The following KCNJ3 variants were observed in gnomAD, a reference collection of about 807,000 sequenced individuals.
The protein encoded by KCNJ3 is G protein-activated inward rectifier potassium channel 1.
A neutral mutation model predicts 39.2 loss-of-function variants in KCNJ3; 4 were observed. The observed-to-expected ratio is 0.10, with a 90% CI of 0.05 to 0.23. The LOEUF (loss-of-function observed/expected upper bound fraction) is 0.23, where lower values mean the gene tolerates loss of function less well. KCNJ3 is among the 10% of genes least tolerant of loss of function. The pLI, the probability that KCNJ3 is intolerant of heterozygous loss-of-function variation, is 1.00. For synonymous variants in KCNJ3, 230 were observed against 237.4 expected (o/e 0.97, Z 0.29); for missense variants, 276 against 634.9 (o/e 0.43, Z 6.08).
chr2:154,791,115 C>T lies in KCNJ3; in HGVS notation c.920-63612C>T, dbSNP rs546882308. The stretch of plus-strand genomic sequence containing the variant: ...ACAGAAGCCTCACCCCACTGTTGGC[C>T]GGTGAGATTTGCTGGTCTTTCCTGA... On this transcript the variant is annotated intron_variant, in intron 2 of 2. Transcript: ENST00000295101. 1.1e-4 allele frequency among the ~76,000 whole-genome samples: 16 copies of T among 151,950 alleles called. No homozygotes were observed. The South Asian group carries it at 2.3e-3, about 22-fold the overall frequency.
At chr2:154,738,075 C>T (rs892383282) in intron 2 of KCNJ3, among the ~76,000 whole-genome samples, 2 of 152,084 alleles carry the variant, frequency 1.3e-5, no homozygotes, top group South Asian at 4.1e-4. Flanking sequence ...AAATCTTAGC[C>T]ATTATAAACA....
chr2:154,821,190 G>A (rs945889731), intron 2 of KCNJ3, among the ~76,000 whole-genome samples: 1 of 152,078 alleles, frequency 6.6e-6, no homozygotes, highest in Non-Finnish European at 1.5e-5. Context: ...AGCACAAGTT[G>A]TCAGTCTCAT....
chr2:154,838,981 T>C (rs1394139731), intron 2 of KCNJ3, among the ~76,000 whole-genome samples: 1 of 152,204 alleles, frequency 6.6e-6, no homozygotes, highest in Admixed American at 6.5e-5. Flanking sequence ...AGTTCTAGAG[T>C]ACATGTGCAC....
intron 2 of KCNJ3, among the ~76,000 whole-genome samples, chr2:154,758,123 C>G (rs1472720739): frequency 6.6e-6 from 1 of 152,066 alleles, no homozygotes; most frequent in East Asian, 1.9e-4. Flanking sequence ...TAGAGAACGT[C>G]TTGATACTTG....
chr2:154,760,608 T>C (rs1490754636), intron 2 of KCNJ3, among the ~76,000 whole-genome samples: 1 of 151,982 alleles, frequency 6.6e-6, no homozygotes, highest in Non-Finnish European at 1.5e-5. Flanking sequence ...GCCTGGATTG[T>C]AGTGGTATAA....
At position 154,854,693 on chromosome 2, in the gene KCNJ3, C is replaced by A. The variant is rs746998087; in HGVS notation, c.920-34C>A. ...CGGCTTTACATGTGCTTCCACTATG[C>A]ATAATTTATCAAGAATTTTCTCTTT... On this transcript the variant is annotated intron_variant, in intron 2 of 2. Transcript: ENST00000295101. 5.9e-6 allele frequency: 9 copies of A among 1,513,070 alleles called. No homozygotes were observed. In the African/African-American group the frequency reaches 1.1e-4, roughly 19 times the overall value. 93.7% of individuals were successfully genotyped at this position (1,513,070 alleles called of 1,614,324 possible). A position where few individuals can be genotyped will look rare whatever the true frequency, so the allele number is the denominator to read the frequency against.
intron 2 of KCNJ3, among the ~76,000 whole-genome samples, chr2:154,757,113 T>C (rs1379272543): frequency 2.6e-5 from 4 of 152,184 alleles, no homozygotes; most frequent in African/African-American, 9.7e-5. Flanking sequence ...ACATGGATTT[T>C]TCAAAGTGGA....
chr2:154,793,092 A>C (rs1686664880), intron 2 of KCNJ3, among the ~76,000 whole-genome samples: 1 of 152,094 alleles, frequency 6.6e-6, no homozygotes, highest in African/African-American at 2.4e-5. Context: ...CTCCGAATAT[A>C]GTATAGTTTT....
At chr2:154,842,846 G>A (rs1687598912) in intron 2 of KCNJ3, among the ~76,000 whole-genome samples, 1 of 152,080 alleles carries the variant, frequency 6.6e-6, no homozygotes, top group Non-Finnish European at 1.5e-5. Context: ...TTGCACGTGA[G>A]ATGGGTCTCA....
At chr2:154,758,281 G>T (rs1236728272) in intron 2 of KCNJ3, among the ~76,000 whole-genome samples, 1 of 151,988 alleles carries the variant, frequency 6.6e-6, no homozygotes, top group African/African-American at 2.4e-5. Flanking sequence ...TAGAGAAGTG[G>T]TACATTAAAT....
chr2:154,854,986 T>A lies in KCNJ3; in HGVS notation c.1179T>A (p.Asp393Glu), dbSNP rs762131544. The change falls in exon 3 of 3, where the codon GAT becomes GAA. Residue 393 changes from aspartate to glutamate, a missense_variant. Asp to Glu is a conservative substitution (Grantham distance 45, BLOSUM62 2). Transcript: ENST00000295101. ...HNSVECLDGL[D>E]DITTKLPSKL... The stretch of plus-strand genomic sequence containing the variant: ...CTGTGGAATGCTTAGATGGACTAGA[T>A]GATATTACTACAAAACTACCATCTA... 8.1e-6 allele frequency: 13 copies of A among 1,614,006 alleles called. No individual in the cohort carries two copies. The highest frequency in any genetic ancestry group is 1.3e-5 in the African/African-American group (1 of 75,006).
intron 2 of KCNJ3, among the ~76,000 whole-genome samples, chr2:154,824,389 G>C (rs921062787): frequency 2.0e-5 from 3 of 151,876 alleles, no homozygotes; most frequent in Admixed American, 2.0e-4. Context: ...ATATATTACT[G>C]TCATATTATT....
At chr2:154,840,930 T>C (rs1183125314) in intron 2 of KCNJ3, among the ~76,000 whole-genome samples, 1 of 152,190 alleles carries the variant, frequency 6.6e-6, no homozygotes, top group Admixed American at 6.5e-5. Context: ...TTTATTTCTT[T>C]GTCTTTCCTG....
intron 2 of KCNJ3, among the ~76,000 whole-genome samples, chr2:154,803,712 ATAGT>A (rs2105095372): frequency 6.6e-6 from 1 of 152,166 alleles, no homozygotes; most frequent in East Asian, 1.9e-4. Context: ...AAGAATAAAA[ATAGT>A]TAATTAGAAC....
intron 2 of KCNJ3, among the ~76,000 whole-genome samples, chr2:154,843,560 A>G (rs1480223325): frequency 6.6e-6 from 1 of 152,008 alleles, no homozygotes; most frequent in Non-Finnish European, 1.5e-5. Flanking sequence ...TCTCCCCATC[A>G]CTTTCAGGTA....
chr2:154,854,848 A>G lies in KCNJ3; in HGVS notation c.1041A>G (p.Ala347=). 6.2e-7 allele frequency: 1 copy of G among 1,614,000 alleles called. No individual in the cohort carries two copies. The highest frequency in any genetic ancestry group is 8.5e-7 in the Non-Finnish European group (1 of 1,179,942). Residue 347 remains alanine (A), a synonymous_variant, in exon 3 of 3, where the codon GCA becomes GCG. Coordinates refer to ENST00000295101, the MANE Select transcript of KCNJ3 (RefSeq NM_002239.4). ...AAGTTGATTACTCCCAGTTCCATGC[A>G]ACATTTGAAGTCCCCACCCCACCTT... ...FFKVDYSQFH[A]TFEVPTPPYS...
chr2:154,812,464 A>G (rs1446674585), intron 2 of KCNJ3, among the ~76,000 whole-genome samples: 1 of 152,162 alleles, frequency 6.6e-6, no homozygotes, highest in East Asian at 1.9e-4. Flanking sequence ...TCTCTAGCTA[A>G]GCTTTCCTGA....
intron 2 of KCNJ3, among the ~76,000 whole-genome samples, chr2:154,841,442 C>T (rs753776393): frequency 1.3e-5 from 2 of 152,134 alleles, no homozygotes; most frequent in African/African-American, 2.4e-5. Flanking sequence ...TGATGTTGGC[C>T]TCATAAAATG....
At chr2:154,795,437 C>G (rs564347110) in intron 2 of KCNJ3, among the ~76,000 whole-genome samples, 1 of 151,954 alleles carries the variant, frequency 6.6e-6, no homozygotes, top group African/African-American at 2.4e-5. Flanking sequence ...TTTACTGACC[C>G]TCTTGTAACT....
Sources: gnomAD v4.1 joint callset for allele counts (sites outside exome capture counted in the v4.1 genomes callset) on GRCh38, gnomAD v4.1.1 for gene constraint, MANE v1.5 for transcripts, NCBI Gene and HGNC (gene_info 2026-07-23, HGNC 2026-07-21) for gene names.